DDR2: variants seen among roughly 807,000 people sequenced by gnomAD.
DDR2 encodes the protein discoidin domain-containing receptor 2.
DDR2 carries 27 observed loss-of-function variants against 94.9 expected under a neutral mutation model. That is an observed-to-expected ratio of 0.28 (90% CI 0.21 to 0.39). The LOEUF (loss-of-function observed/expected upper bound fraction) is 0.39, where lower values mean the gene tolerates loss of function less well. DDR2 is among the 10% of genes least tolerant of loss of function. The pLI is 1.00. For synonymous variants in DDR2, 382 were observed against 377.2 expected (o/e 1.01, Z -0.15); for missense variants, 783 against 1,076.0 (o/e 0.73, Z 3.81).
chr1:162,668,240 G>A (rs1028339118), intron 2 of DDR2, among the ~76,000 whole-genome samples: 1 of 152,202 alleles, frequency 6.6e-6, no homozygotes, highest in African/African-American at 2.4e-5. Flanking sequence ...TGGAAGTAAA[G>A]GTACTGTGGC....
intron 1 of DDR2, among the ~76,000 whole-genome samples, chr1:162,640,629 G>A (rs1415911829): frequency 6.6e-6 from 1 of 152,082 alleles, no homozygotes; most frequent in Non-Finnish European, 1.5e-5. Flanking sequence ...TTGTAATATA[G>A]TTATAATCAT....
At position 162,775,558 on chromosome 1, in the gene DDR2, T is replaced by C. The variant is rs1471205616; in HGVS notation, c.1857-94T>C. 10 of 1,363,616 alleles carry C rather than the reference T, an allele frequency of 7.3e-6. No individual in the cohort carries two copies. The East Asian group carries it at 2.1e-4, about 28-fold the overall frequency. The allele number at this position is 1,363,616 out of a possible 1,614,324, so 84.5% of individuals were successfully genotyped here. On this transcript the variant is annotated intron_variant, in intron 14 of 17. Coordinates refer to ENST00000367921, the MANE Select transcript of DDR2 (RefSeq NM_006182.4). ...ATCCAAAGGGAAACAAGATTTGGCA[T>C]AATGTCCAGGAATAGGCCTTGGTGT...
intron 17 of DDR2, 93 bp downstream of exon 17, chr1:162,778,822 G>A (rs2102207987): frequency 6.6e-7 from 1 of 1,513,406 alleles, no homozygotes; most frequent in Non-Finnish European, 9.1e-7. Flanking sequence ...GGCCGAGATG[G>A]AAGACAGACT....
At chr1:162,773,706 G>T in intron 14 of DDR2, 110 bp downstream of exon 14, 1 of 1,435,286 alleles carries the variant, frequency 7.0e-7, no homozygotes, top group Non-Finnish European at 9.6e-7. Context: ...AGGTCAGTGA[G>T]CTGCCTCCCA....
intron 1 of DDR2, among the ~76,000 whole-genome samples, chr1:162,644,937 G>A (rs1657334441): frequency 6.6e-6 from 1 of 152,214 alleles, no homozygotes; most frequent in South Asian, 2.1e-4. Flanking sequence ...AGCTTTAAGT[G>A]TAGAGTAAAT....
At chr1:162,720,845 G>A (rs1418091437) in intron 3 of DDR2, among the ~76,000 whole-genome samples, 3 of 152,050 alleles carry the variant, frequency 2.0e-5, no homozygotes, top group Non-Finnish European at 4.4e-5. Flanking sequence ...TAGCATAAGG[G>A]TACATTTGTG....
intron 2 of DDR2, among the ~76,000 whole-genome samples, chr1:162,673,580 CGTGTGTGTGTGTGTAT>C (rs796978915): frequency 9.0e-6 from 1 of 111,480 alleles, no homozygotes; most frequent in African/African-American, 3.6e-5. Context: ...TCATTATGTG[CGTGTGTGTGTGTGTAT>C]GTGTGTGTGT....
chr1:162,696,991 C>G (rs982667135), intron 2 of DDR2, among the ~76,000 whole-genome samples: 15 of 152,182 alleles, frequency 9.9e-5, no homozygotes, highest in Non-Finnish European at 1.5e-4. Context: ...AGAACCCTCT[C>G]CGTGGGCCTC....
chr1:162,752,871 T>A (rs1036148048), intron 3 of DDR2, among the ~76,000 whole-genome samples: 1 of 152,002 alleles, frequency 6.6e-6, no homozygotes, highest in African/African-American at 2.4e-5. Context: ...AAAATATAGA[T>A]TTGGCTGGGG....
chr1:162,782,517 C>T lies in DDR2; in HGVS notation c.*2271C>T, dbSNP rs923586332. ...CTTGGGACCTGCCACACTCCACTTT[C>T]AAGATATGTATTAGCTTCATTAGAA... On this transcript the variant is annotated 3_prime_UTR_variant, in exon 18 of 18. Coordinates refer to ENST00000367921, the MANE Select transcript of DDR2 (RefSeq NM_006182.4). 1 of 152,126 alleles carries T rather than the reference C, an allele frequency of 6.6e-6. No homozygotes were observed. The highest frequency in any genetic ancestry group is 1.5e-5 in the Non-Finnish European group (1 of 68,032). The allele number at this position is 152,126 out of a possible 1,614,324, so 9.4% of individuals were successfully genotyped here. A position where few individuals can be genotyped will look rare whatever the true frequency, so the allele number is the denominator to read the frequency against.
chr1:162,655,997 G>C (rs1287879091), intron 2 of DDR2, among the ~76,000 whole-genome samples: 1 of 152,196 alleles, frequency 6.6e-6, no homozygotes, highest in Non-Finnish European at 1.5e-5. Flanking sequence ...AAAAAGAGAA[G>C]CATGCTATAT....
At chr1:162,699,390 C>G (rs969164903) in intron 2 of DDR2, among the ~76,000 whole-genome samples, 1 of 152,166 alleles carries the variant, frequency 6.6e-6, no homozygotes, top group African/African-American at 2.4e-5. Flanking sequence ...CTTCTACTTC[C>G]AAATATCACC....
At chr1:162,703,597 G>A in intron 2 of DDR2, among the ~76,000 whole-genome samples, 1 of 152,152 alleles carries the variant, frequency 6.6e-6, no homozygotes, top group Non-Finnish European at 1.5e-5. Context: ...CCTACTATAG[G>A]TGAATTCATG....
intron 1 of DDR2, among the ~76,000 whole-genome samples, chr1:162,648,566 G>C (rs927642384): frequency 2.6e-5 from 4 of 152,176 alleles, no homozygotes; most frequent in Non-Finnish European, 4.4e-5. Context: ...AAGAAATCAA[G>C]TCAGGGAGAC....
At chr1:162,695,496 G>A (rs1660147514) in intron 2 of DDR2, among the ~76,000 whole-genome samples, 1 of 152,140 alleles carries the variant, frequency 6.6e-6, no homozygotes, top group East Asian at 1.9e-4. Flanking sequence ...CTCCCAAAGT[G>A]CTGGGATTAC....
intron 2 of DDR2, among the ~76,000 whole-genome samples, chr1:162,709,687 C>T (rs942800502): frequency 1.3e-5 from 2 of 152,130 alleles, no homozygotes; most frequent in Non-Finnish European, 2.9e-5. Context: ...CCAAGGGCTG[C>T]GGAGCCTGGG....
intron 2 of DDR2, among the ~76,000 whole-genome samples, chr1:162,671,727 T>C (rs1416445726): frequency 1.3e-5 from 2 of 152,180 alleles, no homozygotes; most frequent in African/African-American, 4.8e-5. Flanking sequence ...CACCTCCTCG[T>C]GAAAGCCCTC....
At chr1:162,681,392 G>A (rs1659389581) in intron 2 of DDR2, among the ~76,000 whole-genome samples, 1 of 152,030 alleles carries the variant, frequency 6.6e-6, no homozygotes, top group Admixed American at 6.6e-5. Flanking sequence ...AATTTACCAG[G>A]GCATTGTGTC....
At chr1:162,673,783 TC>T (rs1658999841) in intron 2 of DDR2, among the ~76,000 whole-genome samples, 1 of 151,834 alleles carries the variant, frequency 6.6e-6, no homozygotes, top group East Asian at 1.9e-4. Context: ...TTCCAGCATT[TC>T]CCCCCATGGA....
Sources: allele counts gnomAD v4.1 joint callset (sites outside exome capture counted in the v4.1 genomes callset), GRCh38; gene constraint gnomAD v4.1.1; transcripts MANE v1.5; gene names NCBI Gene and HGNC (gene_info 2026-07-23, HGNC 2026-07-21).